The following CHDH variants were observed in gnomAD, a reference collection of about 807,000 sequenced individuals.
The protein encoded by CHDH is choline dehydrogenase.
Under a neutral mutation model 56.9 loss-of-function variants are expected in CHDH, and 43 were observed. The ratio of observed to expected loss-of-function variants is 0.76; its 90% CI spans 0.59 to 0.97. The LOEUF is 0.97. CHDH is among the 50% of genes least tolerant of loss of function. The pLI, the probability that CHDH is intolerant of heterozygous loss-of-function variation, is 0.00. For synonymous variants in CHDH, 364 were observed against 348.5 expected (o/e 1.04, Z -0.50); for missense variants, 816 against 821.1 (o/e 0.99, Z 0.08).
chr3:53,837,547 C>G (rs34500349), intron 2 of CHDH, among the ~76,000 whole-genome samples: 1 of 152,210 alleles, frequency 6.6e-6, no homozygotes, highest in Non-Finnish European at 1.5e-5. Context: ...AAGGCGTGGG[C>G]GCTGGCCTCT....
At chr3:53,845,630 G>A (rs1576815365) in intron 1 of CHDH, among the ~76,000 whole-genome samples, 1 of 152,170 alleles carries the variant, frequency 6.6e-6, no homozygotes, top group East Asian at 1.9e-4. Flanking sequence ...GGGGGCGTGG[G>A]TGGAGGCTCG....
intron 1 of CHDH, among the ~76,000 whole-genome samples, chr3:53,845,174 T>A (rs1698820335): frequency 6.6e-6 from 1 of 152,182 alleles, no homozygotes; most frequent in Non-Finnish European, 1.5e-5. Context: ...ACTGAGTTCC[T>A]TGGTCAGGAA....
At chr3:53,826,305 G>A (rs750376551) in intron 2 of CHDH, among the ~76,000 whole-genome samples, 39 of 135,292 alleles carry the variant, frequency 2.9e-4, no homozygotes, top group Non-Finnish European at 3.9e-4. Flanking sequence ...ACCAGACAAA[G>A]ACATTACAAT....
intron 2 of CHDH, among the ~76,000 whole-genome samples, chr3:53,830,548 A>G (rs891813294): frequency 6.6e-6 from 1 of 152,148 alleles, no homozygotes. Flanking sequence ...TCCTACAACA[A>G]TAACTGGAGA....
rs2095616632 is a variant in CHDH, at chr3:53,816,818, A to G, written c.*959T>C. On this transcript the variant is annotated 3_prime_UTR_variant, in exon 9 of 9. Transcript: ENST00000315251. ...TCCCTCCAGACTCCTCTCCCCTTGAATAAGGTCCAAAAAAATCTCAGGTTT... is the reference window on the plus strand; with the variant it reads ...TCCCTCCAGACTCCTCTCCCCTTGAGTAAGGTCCAAAAAAATCTCAGGTTT... 6.6e-6 allele frequency: 1 copy of G among 151,178 alleles called. No individual in the cohort carries two copies. The highest frequency in any genetic ancestry group is 2.4e-5 in the African/African-American group (1 of 40,890). The allele number at this position is 151,178 out of a possible 1,614,324, so 9.4% of individuals were successfully genotyped here. A position where few individuals can be genotyped will look rare whatever the true frequency, so the allele number is the denominator to read the frequency against.
intron 2 of CHDH, among the ~76,000 whole-genome samples, chr3:53,825,791 C>A (rs1197531338): frequency 6.6e-6 from 1 of 152,096 alleles, no homozygotes; most frequent in Non-Finnish European, 1.5e-5. Context: ...CATAGTTAAG[C>A]TGCTGAAACT....
At position 53,823,919 on chromosome 3, in the gene CHDH, C is replaced by T; in HGVS notation, c.90G>A (p.Leu30=). 3 of 1,550,618 alleles carry T rather than the reference C, an allele frequency of 1.9e-6. No individual in the cohort carries two copies. The highest frequency in any genetic ancestry group is 1.9e-5 in the Admixed American group (1 of 52,300). ...GQQQSLGARA[L]ASAGSESRDE... is the part of the protein sequence containing the mutation. The stretch of plus-strand genomic sequence containing the variant: ...CCCGGCTCTCAGAGCCTGCGCTGGC[C>T]AGGGCCCGGGCACCCAGGGATTGCT... The change falls in exon 3 of 9, where the codon CTG becomes CTA. Residue 30 remains leucine, a synonymous_variant. Coordinates refer to ENST00000315251, the MANE Select transcript of CHDH (RefSeq NM_018397.5).
intron 2 of CHDH, among the ~76,000 whole-genome samples, chr3:53,829,283 G>A (rs1403724755): frequency 2.0e-5 from 3 of 152,132 alleles, no homozygotes; most frequent in Admixed American, 6.5e-5. Context: ...TTTTTAGGGC[G>A]GGGAACTAAT....
chr3:53,835,482 C>A (rs1411460801), intron 2 of CHDH, among the ~76,000 whole-genome samples: 1 of 152,150 alleles, frequency 6.6e-6, no homozygotes, highest in Non-Finnish European at 1.5e-5. Flanking sequence ...GGGGAAACTG[C>A]AAAACATGTG....
chr3:53,823,563 C>G lies in CHDH; in HGVS notation c.446G>C (p.Arg149Pro), dbSNP rs1415628093. The G allele has an allele frequency of 6.5e-7, 1 of 1,542,962 alleles. No individual in the cohort carries two copies. Among genetic ancestry groups the G allele is most frequent in the Non-Finnish European group, 8.7e-7 (1 of 1,146,208 alleles). Residue 149 changes from arginine to proline, a missense_variant, in exon 3 of 9, where the codon CGC becomes CCC. By Grantham distance (103) the Arg-to-Pro change is moderately radical. Transcript: ENST00000315251. ...YVRGHAEDYERWQRQGARGWD... is the reference protein window; with the variant it reads ...YVRGHAEDYEPWQRQGARGWD... Reference sequence around the variant, plus strand: ...GCCGCGGGCGCCCTGGCGCTGCCAGCGCTCGTAGTCCTCGGCGTGCCCACG... The same window carrying G: ...GCCGCGGGCGCCCTGGCGCTGCCAGGGCTCGTAGTCCTCGGCGTGCCCACG...
At chr3:53,842,963 A>G (rs1301791403) in intron 1 of CHDH, among the ~76,000 whole-genome samples, 1 of 152,204 alleles carries the variant, frequency 6.6e-6, no homozygotes, top group Non-Finnish European at 1.5e-5. Flanking sequence ...TCACGAGACA[A>G]TGAATCCACT....
Position 53,823,421 on chromosome 3 carries a change from GTGGT to G in CHDH, c.584_587del (p.Asn195ThrfsTer22). ...CCTCCAGGAATGCGCAGTGCAGCGG[GTGGT>G]TGGTCTTGCCCCGGGACACCCGCAG... On this transcript the variant is annotated frameshift_variant, in exon 3 of 9. Transcript: ENST00000315251. LOFTEE classifies it high-confidence loss of function. 2 of 1,591,220 alleles carry G rather than the reference GTGGT, an allele frequency of 1.3e-6. No homozygotes were observed. The highest frequency in any genetic ancestry group is 1.7e-6 in the Non-Finnish European group (2 of 1,168,938).
chr3:53,823,297 G>A lies in CHDH; in HGVS notation c.703+9C>T, dbSNP rs1462288589. On this transcript the variant is annotated intron_variant, in intron 3 of 8. Coordinates refer to ENST00000315251, the MANE Select transcript of CHDH (RefSeq NM_018397.5). ...AGTGCTTTTTTAAAAAGAGAAGGGA[G>A]ACCACTACCTTCATGGATGGTCATG... The A allele has an allele frequency of 6.6e-7, 1 of 1,524,108 alleles. No homozygotes were observed. The highest frequency in any genetic ancestry group is 8.8e-7 in the Non-Finnish European group (1 of 1,134,402). The allele number at this position is 1,524,108 out of a possible 1,614,324, so 94.4% of individuals were successfully genotyped here.
chr3:53,818,929 G>T lies in CHDH; in HGVS notation c.1366+9C>A. On this transcript the variant is annotated intron_variant, in intron 8 of 8. Coordinates refer to ENST00000315251, the MANE Select transcript of CHDH (RefSeq NM_018397.5). ...TTCAAGCCCAGGAAGACACAGGTGG[G>T]TGAAGTACCTGTTGACAAGTAGTTG... 1 of 1,555,004 alleles carries T rather than the reference G, an allele frequency of 6.4e-7. No homozygotes were observed. Among genetic ancestry groups the T allele is most frequent in the Non-Finnish European group, 8.9e-7 (1 of 1,125,928 alleles).
Position 53,822,498 on chromosome 3 carries a change from C to A in CHDH, c.848G>T (p.Ser283Ile), listed in dbSNP as rs201270449. 1 of 1,610,258 alleles carries A rather than the reference C, an allele frequency of 6.2e-7. No individual in the cohort carries two copies. The highest frequency in any genetic ancestry group is 1.1e-5 in the South Asian group (1 of 90,902). Residue 283 changes from serine (S) to isoleucine (I), a missense_variant, in exon 4 of 9, where the codon AGC becomes ATC. Transcript: ENST00000315251. ...CAGCTGCAGTCCACTCACCCTGTGG[C>A]TCTGGCCATTCTTGACATACTCCAC... ...VGVEYVKNGQ[S>I]HRAYASKEVI...
chr3:53,838,853 G>C (rs922580632), intron 2 of CHDH, among the ~76,000 whole-genome samples: 1 of 152,140 alleles, frequency 6.6e-6, no homozygotes, highest in Non-Finnish European at 1.5e-5. Context: ...AGGCCTAGGG[G>C]GTAGTAGCTT....
In CHDH at chr3:53,823,356, T is replaced by C; in HGVS notation, c.653A>G (p.Asn218Ser). The change falls in exon 3 of 9, where the codon AAT (asparagine) becomes AGT (serine). Residue 218 changes from asparagine (N) to serine (S), a missense_variant. By Grantham distance (46) the Asn-to-Ser change is conservative (BLOSUM62 1). Coordinates refer to ENST00000315251, the MANE Select transcript of CHDH (RefSeq NM_018397.5). ...QAGYPLTEDM[N>S]GFQQEGFGWM... The stretch of plus-strand genomic sequence containing the variant: ...GCCGAAGCCCTCCTGCTGGAAGCCA[T>C]TCATGTCCTCGGTGAGCGGGTAGCC... The C allele has an allele frequency of 6.2e-7, 1 of 1,602,608 alleles. No individual in the cohort carries two copies. The highest frequency in any genetic ancestry group is 2.3e-5 in the East Asian group (1 of 44,440).
intron 2 of CHDH, among the ~76,000 whole-genome samples, chr3:53,831,526 T>G (rs1698333855): frequency 6.6e-6 from 1 of 152,252 alleles, no homozygotes; most frequent in Admixed American, 6.5e-5. Flanking sequence ...GGGGTGCTTG[T>G]GTCACCCTAC....
intron 4 of CHDH, 21 bp downstream of exon 4, chr3:53,822,470 C>G: frequency 6.3e-7 from 1 of 1,595,762 alleles, no homozygotes; most frequent in Non-Finnish European, 8.6e-7. Context: ...TCTTCCAGGA[C>G]CCCAGCTGCA....
Sources: allele counts gnomAD v4.1 joint callset (sites outside exome capture counted in the v4.1 genomes callset), GRCh38; gene constraint gnomAD v4.1.1; transcripts MANE v1.5; gene names NCBI Gene and HGNC (gene_info 2026-07-23, HGNC 2026-07-21).